Variants in RTF2 observed in about 807,000 individuals in gnomAD.
The protein encoded by RTF2 is UPF0549 protein C20orf43.
In RTF2, 18 loss-of-function variants were observed where a neutral mutation model predicts 38.0. The ratio of observed to expected loss-of-function variants is 0.47; its 90% confidence interval spans 0.33 to 0.70. The LOEUF is 0.70. Among genes scored for constraint, RTF2 ranks in the 30% least tolerant of loss-of-function variants. The probability of loss-of-function intolerance (pLI) is 0.02; values close to 1 mark genes in which losing one functional copy is unlikely to be tolerated. For synonymous variants in RTF2, 126 were observed against 137.1 expected (o/e 0.92, Z 0.57); for missense variants, 311 against 379.6 (o/e 0.82, Z 1.50).
intron 5 of RTF2, among the ~76,000 whole-genome samples, chr20:56,492,135 A>G (rs1160337550): frequency 6.6e-6 from 1 of 152,060 alleles, no homozygotes; most frequent in Non-Finnish European, 1.5e-5. Context: ...ATGAACTTCT[A>G]AGTCTTTTCA....
chr20:56,513,059 C>A (rs767770255), intron 5 of RTF2, among the ~76,000 whole-genome samples: 1 of 152,142 alleles, frequency 6.6e-6, no homozygotes, highest in African/African-American at 2.4e-5. Flanking sequence ...TAAAAAATGG[C>A]GGGAACCCTC....
intron 4 of RTF2, among the ~76,000 whole-genome samples, chr20:56,478,601 A>G (rs1415731412): frequency 2.0e-5 from 3 of 152,234 alleles, no homozygotes; most frequent in Non-Finnish European, 4.4e-5. Flanking sequence ...AAAGAATGCT[A>G]GCAATCACCT....
intron 2 of RTF2, among the ~76,000 whole-genome samples, chr20:56,473,809 GTC>G (rs1568690972): frequency 6.6e-6 from 1 of 152,086 alleles, no homozygotes; most frequent in African/African-American, 2.4e-5. Flanking sequence ...GATCCTGTGA[GTC>G]TGGGAGGTTG....
intron 5 of RTF2, among the ~76,000 whole-genome samples, chr20:56,502,134 A>G (rs1983965796): frequency 6.6e-6 from 1 of 152,220 alleles, no homozygotes; most frequent in Admixed American, 6.5e-5. Context: ...GATACAGTAG[A>G]GTATCTTTCA....
intron 5 of RTF2, among the ~76,000 whole-genome samples, chr20:56,506,851 C>T (rs1984309059): frequency 6.6e-6 from 1 of 152,134 alleles, no homozygotes; most frequent in Admixed American, 6.5e-5. Flanking sequence ...CAGGCGCCCA[C>T]CACCATGCCC....
intron 5 of RTF2, chr20:56,497,062 C>T (rs1373365503): frequency 1.3e-6 from 2 of 1,551,494 alleles, no homozygotes; most frequent in East Asian, 2.4e-5. Context: ...TTAATATCTG[C>T]CTGTAGTCTT....
At position 56,468,786 on chromosome 20, in the gene RTF2, T is replaced by C; in HGVS notation, c.69+20T>C. The C allele has an allele frequency of 6.4e-7, 1 of 1,559,868 alleles. No individual in the cohort carries two copies. Among genetic ancestry groups the C allele is most frequent in the Non-Finnish European group, 8.7e-7 (1 of 1,151,084 alleles). ...GAGAAGGTCAGTGATGTGGGCCGGC[T>C]CTTGGCGACCGGGGGTGGTGGGAAT... On this transcript the variant is annotated intron_variant, in intron 1 of 8. Transcript: ENST00000357348.
intron 4 of RTF2, among the ~76,000 whole-genome samples, chr20:56,482,863 A>G (rs1217622956): frequency 1.3e-5 from 2 of 152,096 alleles, no homozygotes; most frequent in East Asian, 3.8e-4. Flanking sequence ...TTGATGTTTA[A>G]TGCTCCCTCC....
At chr20:56,487,515 T>G (rs2146331227) in intron 5 of RTF2, among the ~76,000 whole-genome samples, 1 of 152,358 alleles carries the variant, frequency 6.6e-6, no homozygotes, top group Admixed American at 6.5e-5. Context: ...AGGGCACTGG[T>G]TGAAATTCAG....
intron 6 of RTF2, chr20:56,516,680 G>A (rs1476961516): frequency 1.9e-6 from 1 of 529,814 alleles, no homozygotes; most frequent in African/African-American, 1.9e-5. Context: ...TGATTTGGGA[G>A]ATGTAAATAT....
At chr20:56,496,516 C>T (rs1983546943) in intron 5 of RTF2, 3 of 1,143,834 alleles carry the variant, frequency 2.6e-6, no homozygotes, top group East Asian at 2.7e-5. Context: ...CCACTGCACT[C>T]CAGCCTCGGT....
intron 3 of RTF2, among the ~76,000 whole-genome samples, chr20:56,475,371 C>T (rs1359989675): frequency 6.6e-6 from 1 of 152,182 alleles, no homozygotes; most frequent in Non-Finnish European, 1.5e-5. Context: ...AGTACTTAAA[C>T]CAGAACCAGA....
chr20:56,505,894 T>C (rs958473905), intron 5 of RTF2, among the ~76,000 whole-genome samples: 11 of 151,984 alleles, frequency 7.2e-5, no homozygotes, highest in Non-Finnish European at 1.6e-4. Context: ...GGACATACGA[T>C]ATAATTTACA....
At chr20:56,478,628 A>G (rs938058442) in intron 4 of RTF2, among the ~76,000 whole-genome samples, 1 of 152,222 alleles carries the variant, frequency 6.6e-6, no homozygotes, top group African/African-American at 2.4e-5. Context: ...TCAGCGAGTC[A>G]TCATCTTTTT....
Position 56,477,140 on chromosome 20 carries a change from G to T in RTF2, c.398+16G>T, listed in dbSNP as rs1307833576. 5 of 1,611,686 alleles carry T rather than the reference G, an allele frequency of 3.1e-6. No individual in the cohort carries two copies. Among genetic ancestry groups the T allele is most frequent in the Non-Finnish European group, 4.2e-6 (5 of 1,179,182 alleles). On this transcript the variant is annotated intron_variant, in intron 4 of 8. Coordinates refer to ENST00000357348, the MANE Select transcript of RTF2 (RefSeq NM_016407.5). Reference sequence around the variant, plus strand: ...GCCGACACAGGTTAGTGACGGACCTGGGACAGATGATGTGGGAGGCTGGAG... The same window carrying T: ...GCCGACACAGGTTAGTGACGGACCTTGGACAGATGATGTGGGAGGCTGGAG...
chr20:56,496,855 C>G (rs769688034), intron 5 of RTF2: 14 of 1,551,658 alleles, frequency 9.0e-6, no homozygotes, highest in South Asian at 1.2e-5. Flanking sequence ...CCTTTAGGAA[C>G]GAATTCGAGA....
At chr20:56,498,432 T>G (rs1007924792) in intron 5 of RTF2, among the ~76,000 whole-genome samples, 1 of 151,180 alleles carries the variant, frequency 6.6e-6, no homozygotes, top group African/African-American at 2.4e-5. Context: ...TAGCCACATG[T>G]GGTGGTGCCC....
intron 1 of RTF2, chr20:56,472,249 C>T: frequency 2.4e-6 from 2 of 836,984 alleles, no homozygotes; most frequent in Non-Finnish European, 3.9e-6. Flanking sequence ...ATAAATTCAG[C>T]AGGATTGTTT....
intron 4 of RTF2, among the ~76,000 whole-genome samples, chr20:56,480,362 GAGTT>G (rs1982471152): frequency 6.6e-6 from 1 of 152,222 alleles, no homozygotes; most frequent in Non-Finnish European, 1.5e-5. Context: ...GAATTGAAGA[GAGTT>G]AGGGCCTTGC....
Sources: allele counts gnomAD v4.1 joint callset (sites outside exome capture counted in the v4.1 genomes callset), GRCh38; gene constraint gnomAD v4.1.1; transcripts MANE v1.5; gene names NCBI Gene and HGNC (gene_info 2026-07-23, HGNC 2026-07-21).